TMEM135: variants seen among roughly 807,000 people sequenced by gnomAD.
TMEM135 encodes the protein peroxisomal membrane protein 52.
In TMEM135, 30 loss-of-function variants were observed where a neutral mutation model predicts 60.3. The observed-to-expected ratio is 0.50, with a 90% confidence interval of 0.37 to 0.68. TMEM135 has a LOEUF of 0.68. Among genes scored for constraint, TMEM135 ranks in the 30% least tolerant of loss-of-function variants. TMEM135 has a pLI of 0.00. For missense variants in TMEM135, 468 were observed against 548.8 expected (o/e 0.85, Z 1.47); for synonymous variants, 190 against 186.7 (o/e 1.02, Z -0.14).
chr11:87,170,979 T>A (rs1216098711), intron 5 of TMEM135, among the ~76,000 whole-genome samples: 1 of 152,090 alleles, frequency 6.6e-6, no homozygotes, highest in Non-Finnish European at 1.5e-5. Flanking sequence ...CTTTCAGAGA[T>A]GCCCTGGCCA....
intron 4 of TMEM135, among the ~76,000 whole-genome samples, chr11:87,116,743 C>A (rs1352949486): frequency 6.6e-6 from 1 of 151,762 alleles, no homozygotes; most frequent in Non-Finnish European, 1.5e-5. Context: ...TAAAATGATT[C>A]ACATGAATTA....
Position 87,324,777 on chromosome 11 carries a change from G to A in TMEM135, c.*3444G>A, listed in dbSNP as rs1246108581. On this transcript the variant is annotated 3_prime_UTR_variant, in exon 15 of 15. Transcript: ENST00000305494. ...TTAAGTAGTTTGACACAGCAACAAA[G>A]TTGTCCTTTGTTTCCCAAAGGCAAA... 2.2e-6 allele frequency: 1 copy of A among 453,876 alleles called. No individual in the cohort carries two copies. The highest frequency in any genetic ancestry group is 2.4e-5 in the Admixed American group (1 of 42,538). 28.1% of individuals were successfully genotyped at this position (453,876 alleles called of 1,614,324 possible).
intron 1 of TMEM135, among the ~76,000 whole-genome samples, chr11:87,063,519 A>G (rs1320361040): frequency 6.6e-6 from 1 of 152,220 alleles, no homozygotes; most frequent in African/African-American, 2.4e-5. Context: ...AATTATTGGT[A>G]TGTTATTTGT....
intron 6 of TMEM135, among the ~76,000 whole-genome samples, chr11:87,253,715 A>G (rs987447843): frequency 7.1e-5 from 5 of 70,202 alleles, no homozygotes; most frequent in Admixed American, 1.5e-4. Context: ...GTACACTTCT[A>G]ACCTGATGGA....
chr11:87,069,920 T>G (rs980421325), intron 2 of TMEM135, among the ~76,000 whole-genome samples: 1 of 151,930 alleles, frequency 6.6e-6, no homozygotes, highest in Non-Finnish European at 1.5e-5. Context: ...ACCTGTTATC[T>G]CAGCACTTTG....
chr11:87,038,258 C>T, intron 1 of TMEM135, 72 bp downstream of exon 1: 1 of 1,598,120 alleles, frequency 6.3e-7, no homozygotes, highest in Non-Finnish European at 8.5e-7. Flanking sequence ...GTTGGTGCTC[C>T]CGAGGGGCTC....
At chr11:87,311,463 A>G (rs954750207) in intron 10 of TMEM135, among the ~76,000 whole-genome samples, 6 of 152,010 alleles carry the variant, frequency 3.9e-5, no homozygotes, top group Admixed American at 2.0e-4. Context: ...ACGTTATAGC[A>G]TTTGTATTTA....
rs1287953717 is a variant in TMEM135 at position 87,145,842 on chromosome 11, G to C, written c.397-11499G>C. On this transcript the variant is annotated intron_variant, in intron 4 of 14. Coordinates refer to ENST00000305494, the MANE Select transcript of TMEM135 (RefSeq NM_022918.4). ...TATTTGGGTTATTCATTCTTTATTG[G>C]ATGGATGGTTTGCAACCATTTTCTC... 9.2e-5 allele frequency among the ~76,000 whole-genome samples: 14 copies of C among 151,922 alleles called. 1 individual carries two copies. Among genetic ancestry groups the C allele is most frequent in the Admixed American group, 9.2e-4 (14 of 15,266 alleles).
Position 87,053,314 on chromosome 11 carries a change from CT to C in TMEM135, c.142-14373del, listed in dbSNP as rs1455868498. On this transcript the variant is annotated intron_variant, in intron 1 of 14. Coordinates refer to ENST00000305494, the MANE Select transcript of TMEM135 (RefSeq NM_022918.4). ...AGCAATATATATATATATATGGATA[CT>C]TTTTTTATTGATTATGAAAAGATGA... is the stretch of plus-strand genomic sequence containing the variant. Among the ~76,000 whole-genome samples the C allele has an allele frequency of 9.0e-5, 13 of 144,062 alleles. No individual in the cohort carries two copies. The East Asian group carries it at 1.2e-3, about 13-fold the overall frequency. The allele number at this position is 144,062 out of a possible 152,430, so 94.5% of individuals were successfully genotyped here. A position where few individuals can be genotyped will look rare whatever the true frequency, so the allele number is the denominator to read the frequency against.
chr11:87,292,129 T>A (rs572006180), intron 6 of TMEM135, among the ~76,000 whole-genome samples: 2 of 152,298 alleles, frequency 1.3e-5, no homozygotes, highest in South Asian at 4.1e-4. Context: ...GTGTTTCTGA[T>A]CAGATTACCA....
intron 3 of TMEM135, among the ~76,000 whole-genome samples, chr11:87,076,153 G>A (rs1000355774): frequency 6.6e-6 from 1 of 152,218 alleles, no homozygotes; most frequent in Non-Finnish European, 1.5e-5. Context: ...GCCCTGGGCA[G>A]GTCCAAAGAT....
In TMEM135 at chr11:87,121,639, C is replaced by CTTTTTTTTTTT. The variant is rs542358265; in HGVS notation, c.396+30253_396+30263dup. 24 of 110,190 alleles carry CTTTTTTTTTTT rather than the reference C, an allele frequency of 2.2e-4. 1 individual carries two copies. Among genetic ancestry groups the CTTTTTTTTTTT allele is most frequent in the East Asian group, 5.8e-4 (2 of 3,460 alleles). The allele number at this position is 110,190 out of a possible 1,614,324, so 6.8% of individuals were successfully genotyped here. On this transcript the variant is annotated intron_variant, in intron 4 of 14. Transcript: ENST00000305494. ...CTTTAGGACAATCATTTTGAATGTACTTTTTTTTTTTTTTTTTTTGAGATG... is the reference window on the plus strand; with the variant it reads ...CTTTAGGACAATCATTTTGAATGTACTTTTTTTTTTTTTTTTTTTTTTTTTTTTTTGAGATG...
At chr11:87,100,848 C>T (rs1437674048) in intron 4 of TMEM135, among the ~76,000 whole-genome samples, 2 of 151,226 alleles carry the variant, frequency 1.3e-5, no homozygotes, top group African/African-American at 4.9e-5. Context: ...TGCAACAGAG[C>T]AATACTGTCT....
chr11:87,074,140 AT>A (rs1161764604), intron 3 of TMEM135, among the ~76,000 whole-genome samples: 1 of 151,864 alleles, frequency 6.6e-6, no homozygotes, highest in Non-Finnish European at 1.5e-5. Context: ...TAATTTTTGT[AT>A]TTTTAGTAGA....
intron 5 of TMEM135, among the ~76,000 whole-genome samples, chr11:87,213,816 G>C (rs77187815): frequency 0.03 from 4,613 of 152,258 alleles, 214 homozygotes; most frequent in African/African-American, 0.1. Flanking sequence ...GGACACATTA[G>C]AACCTAGAAC....
rs1054370760 is a variant in TMEM135 at position 87,243,194 on chromosome 11, T to A, written c.509+6510T>A. On this transcript the variant is annotated intron_variant, in intron 6 of 14. Transcript: ENST00000305494. ...GCGGCGTTATTTCTGAGGGCTCTGT[T>A]CTGTTCCATCGATCTATATCTCTGT... 1.8e-4 allele frequency among the ~76,000 whole-genome samples: 15 copies of A among 81,748 alleles called. 4 individuals carry two copies. The highest frequency in any genetic ancestry group is 6.1e-4 in the African/African-American group (13 of 21,278). 53.6% of individuals were successfully genotyped at this position (81,748 alleles called of 152,430 possible).
intron 5 of TMEM135, among the ~76,000 whole-genome samples, chr11:87,221,153 A>G (rs553648278): frequency 1.6e-4 from 25 of 152,236 alleles, no homozygotes; most frequent in African/African-American, 5.5e-4. Context: ...TTTTGTGACA[A>G]TTTCTACTGG....
At chr11:87,217,708 C>T (rs1424792154) in intron 5 of TMEM135, among the ~76,000 whole-genome samples, 1 of 151,838 alleles carries the variant, frequency 6.6e-6, no homozygotes, top group Non-Finnish European at 1.5e-5. Flanking sequence ...TCGCTTGAAC[C>T]AGGGAGGTGG....
intron 4 of TMEM135, among the ~76,000 whole-genome samples, chr11:87,111,240 A>AT (rs1447244164): frequency 3.3e-5 from 5 of 151,830 alleles, no homozygotes; most frequent in South Asian, 2.1e-4. Flanking sequence ...ATTTAAAGGG[A>AT]TTTTTTTGTT....
Sources: gnomAD v4.1 joint callset for allele counts (sites outside exome capture counted in the v4.1 genomes callset) on GRCh38, gnomAD v4.1.1 for gene constraint, MANE v1.5 for transcripts, NCBI Gene and HGNC (gene_info 2026-07-23, HGNC 2026-07-21) for gene names.